The following MAP2K5 variants were observed in gnomAD, a reference collection of about 807,000 sequenced individuals.
The protein encoded by MAP2K5 is mitogen-activated protein kinase kinase 5.
In MAP2K5, 49 loss-of-function variants were observed where a neutral mutation model predicts 83.1. The observed-to-expected ratio is 0.59, with a 90% CI of 0.47 to 0.75. The LOEUF is 0.75. MAP2K5 is among the 30% of genes least tolerant of loss of function. The pLI is 0.00. For synonymous variants in MAP2K5, 202 were observed against 191.8 expected (o/e 1.05, Z -0.44); for missense variants, 457 against 557.5 (o/e 0.82, Z 1.82).
chr15:67,549,118 G>A, intron 1 of MAP2K5: 1 of 1,535,216 alleles, frequency 6.5e-7, no homozygotes, highest in Non-Finnish European at 8.7e-7. Context: ...AGCCTGGGAG[G>A]GACACTGTGG....
chr15:67,712,505 A>G (rs1378352152), intron 16 of MAP2K5, among the ~76,000 whole-genome samples: 1 of 152,244 alleles, frequency 6.6e-6, no homozygotes, highest in African/African-American at 2.4e-5. Context: ...AAGTTCAAAT[A>G]AACTACCAGT....
chr15:67,616,524 A>C (rs907028878), intron 8 of MAP2K5, among the ~76,000 whole-genome samples: 2 of 152,224 alleles, frequency 1.3e-5, no homozygotes, highest in African/African-American at 2.4e-5. Flanking sequence ...AGAATCAGGG[A>C]ATACAGGATA....
intron 17 of MAP2K5, among the ~76,000 whole-genome samples, chr15:67,732,737 A>AT (rs2089249331): frequency 6.6e-6 from 1 of 151,316 alleles, no homozygotes. Flanking sequence ...CCTGCTCCAT[A>AT]TGGAGCTCCA....
intron 6 of MAP2K5, among the ~76,000 whole-genome samples, chr15:67,589,347 G>GGGTTGTTT (rs2085350635): frequency 6.6e-6 from 1 of 152,012 alleles, no homozygotes; most frequent in Admixed American, 6.5e-5. Context: ...CTCAAAGCAT[G>GGGTTGTTT]GGTTGTTTTT....
At chr15:67,662,040 A>G (rs1013115981) in intron 12 of MAP2K5, among the ~76,000 whole-genome samples, 2 of 152,100 alleles carry the variant, frequency 1.3e-5, no homozygotes, top group African/African-American at 4.8e-5. Flanking sequence ...GTTTTATTGT[A>G]ATGCCAGTTA....
intron 13 of MAP2K5, among the ~76,000 whole-genome samples, chr15:67,683,732 C>T (rs1257500332): frequency 6.7e-6 from 1 of 149,328 alleles, no homozygotes; most frequent in Non-Finnish European, 1.5e-5. Context: ...TGCACTTTAG[C>T]CTGGGTGACA....
intron 21 of MAP2K5, among the ~76,000 whole-genome samples, chr15:67,784,520 T>C (rs2090383258): frequency 6.6e-6 from 1 of 152,204 alleles, no homozygotes; most frequent in South Asian, 2.1e-4. Context: ...TGCAGGGCCG[T>C]GGTCGAGGCA....
At chr15:67,731,276 A>G (rs2089214073) in intron 17 of MAP2K5, among the ~76,000 whole-genome samples, 1 of 152,122 alleles carries the variant, frequency 6.6e-6, no homozygotes, top group South Asian at 2.1e-4. Flanking sequence ...CCTGCTGGTG[A>G]CACAGTGTGT....
chr15:67,570,888 G>A (rs558381347), intron 3 of MAP2K5, among the ~76,000 whole-genome samples: 1 of 152,310 alleles, frequency 6.6e-6, no homozygotes, highest in South Asian at 2.1e-4. Flanking sequence ...AACAGCATGA[G>A]TATTCCTTAT....
At chr15:67,706,536 G>A (rs1399127381) in intron 16 of MAP2K5, among the ~76,000 whole-genome samples, 1 of 152,064 alleles carries the variant, frequency 6.6e-6, no homozygotes, top group African/African-American at 2.4e-5. Context: ...TAAAATGGAT[G>A]GTAAGGAGCC....
At chr15:67,558,228 G>A (rs58837886) in intron 2 of MAP2K5, among the ~76,000 whole-genome samples, 44,801 of 152,012 alleles carry the variant, frequency 0.29, 7,079 homozygotes, top group East Asian at 0.42. Flanking sequence ...TACCTGGCAC[G>A]TAATAGGCAC....
At position 67,730,036 on chromosome 15, in the gene MAP2K5, A is replaced by G. The variant is rs560854673; in HGVS notation, c.1074+2091A>G. Among the ~76,000 whole-genome samples the G allele has an allele frequency of 5.9e-5, 9 of 152,318 alleles. No homozygotes were observed. In the South Asian group the frequency reaches 1.2e-3, roughly 21 times the overall value. ...ATGTTGTCACCAAATTGTTACTTCT[A>G]TCTGAAATAATAGAAGCAGCTTTGA... On this transcript the variant is annotated intron_variant, in intron 17 of 21. Transcript: ENST00000178640.
chr15:67,783,054 A>G lies in MAP2K5; in HGVS notation c.1242+10302A>G, dbSNP rs1315034427. On this transcript the variant is annotated intron_variant, in intron 21 of 21. Transcript: ENST00000178640. This position sits in a 1 kb window ranked among gnomAD's most constrained non-coding sequence, Gnocchi z 5.1. The stretch of plus-strand genomic sequence containing the variant: ...GTCTGGTGCAGATTTGTATTGCAGA[A>G]GCCTTTTCTACTGTTGTGAGACATG... 6.6e-6 allele frequency among the ~76,000 whole-genome samples: 1 copy of G among 152,244 alleles called. No individual in the cohort carries two copies. Among genetic ancestry groups the G allele is most frequent in the African/African-American group, 2.4e-5 (1 of 41,462 alleles).
intron 13 of MAP2K5, among the ~76,000 whole-genome samples, chr15:67,686,688 G>A (rs1279891332): frequency 6.6e-6 from 1 of 152,002 alleles, no homozygotes; most frequent in African/African-American, 2.4e-5. Flanking sequence ...CAAAACTAAT[G>A]TATAATGACA....
chr15:67,625,340 G>A (rs1229001283), intron 8 of MAP2K5, among the ~76,000 whole-genome samples: 2 of 152,158 alleles, frequency 1.3e-5, no homozygotes, highest in Admixed American at 6.5e-5. Flanking sequence ...TTCCCAGAAG[G>A]CCTGTGCTGG....
intron 13 of MAP2K5, among the ~76,000 whole-genome samples, chr15:67,667,406 G>C (rs150028965): frequency 6.6e-6 from 1 of 152,152 alleles, no homozygotes; most frequent in African/African-American, 2.4e-5. Context: ...ACTCATTTTT[G>C]CTTTCTCTAA....
At chr15:67,765,227 C>G (rs917817668) in intron 19 of MAP2K5, among the ~76,000 whole-genome samples, 1 of 152,136 alleles carries the variant, frequency 6.6e-6, no homozygotes, top group Non-Finnish European at 1.5e-5. Context: ...GGTGTGGTGG[C>G]GCACGCCTGT....
chr15:67,662,852 A>G (rs754901559), intron 12 of MAP2K5, among the ~76,000 whole-genome samples: 1 of 152,136 alleles, frequency 6.6e-6, no homozygotes, highest in Non-Finnish European at 1.5e-5. Flanking sequence ...CCTTGTCAAC[A>G]TATATGCTTT....
At position 67,748,805 on chromosome 15, in the gene MAP2K5, A is replaced by G. The variant is rs997165732; in HGVS notation, c.1134+204A>G. Among the ~76,000 whole-genome samples the G allele has an allele frequency of 1.1e-4, 16 of 152,218 alleles. No individual in the cohort carries two copies. Among genetic ancestry groups the G allele is most frequent in the Non-Finnish European group, 7.3e-5 (5 of 68,040 alleles). On this transcript the variant is annotated intron_variant, in intron 19 of 21. Transcript: ENST00000178640. This position sits in a 1 kb window ranked among gnomAD's most constrained non-coding sequence, Gnocchi z 4.0. ...CCAAGAAACCCTGCAAAAACAGACT[A>G]TCCCGCAGGCTGGTCCTCAGGGGCA... is the stretch of plus-strand genomic sequence containing the variant.
Sources: allele counts gnomAD v4.1 joint callset (sites outside exome capture counted in the v4.1 genomes callset), GRCh38; gene constraint gnomAD v4.1.1; non-coding constraint Gnocchi (gnomAD v3.1); transcripts MANE v1.5; gene names NCBI Gene and HGNC (gene_info 2026-07-23, HGNC 2026-07-21).